The following SULT6B1 variants were observed in gnomAD, a reference collection of about 807,000 sequenced individuals.
The protein encoded by SULT6B1 is sulfotransferase 6B1.
Under a neutral mutation model 37.2 loss-of-function variants are expected in SULT6B1, and 44 were observed. That is an observed-to-expected ratio of 1.18 (90% CI 0.93 to 1.52). SULT6B1 has a LOEUF of 1.52. SULT6B1 is among the 40% of genes most tolerant of loss of function. The probability of loss-of-function intolerance (pLI) is 0.00; values close to 1 mark genes in which losing one functional copy is unlikely to be tolerated. For synonymous variants in SULT6B1, 140 were observed against 126.0 expected, an observed-to-expected ratio of 1.11 and a Z score of -0.74; for missense variants, 450 against 361.0, an observed-to-expected ratio of 1.25 and a Z score of -2.00.
At chr2:37,193,605 A>AGAAGAAGAAGAAGAG (rs1676828869), upstream of SULT6B1, among the ~76,000 whole-genome samples, 1 of 124,572 alleles carries the variant, frequency 8.0e-6, no homozygotes, top group Non-Finnish European at 1.7e-5. Context: ...AAAAAGAAGA[A>AGAAGAAGAAGAAGAG]GAAGAAGAAG....
upstream of SULT6B1, chr2:37,188,709 G>A: frequency 1.6e-6 from 1 of 611,064 alleles, no homozygotes; most frequent in East Asian, 2.9e-5. Context: ...ATGGAGTTGG[G>A]CAGGGGCTGG....
intron 4 of SULT6B1, among the ~76,000 whole-genome samples, chr2:37,178,161 C>T (rs1676470709): frequency 6.6e-6 from 1 of 152,182 alleles, no homozygotes; most frequent in Non-Finnish European, 1.5e-5. Context: ...TCTCCTGCAT[C>T]AGCCTCCCAA....
chr2:37,172,517 T>A (rs1379975284), intron 5 of SULT6B1, among the ~76,000 whole-genome samples: 1 of 152,182 alleles, frequency 6.6e-6, no homozygotes, highest in Non-Finnish European at 1.5e-5. Flanking sequence ...ATCTCACTTT[T>A]TTTTTTTGAG....
intron 1 of SULT6B1, chr2:37,194,678 C>T: frequency 4.2e-6 from 1 of 237,958 alleles, no homozygotes; most frequent in South Asian, 5.2e-5. Flanking sequence ...CTTGGGTCAT[C>T]ACCTCGTTGA....
intron 1 of SULT6B1, among the ~76,000 whole-genome samples, chr2:37,187,830 T>C (rs569924627): frequency 1.3e-5 from 2 of 152,210 alleles, no homozygotes; most frequent in African/African-American, 4.8e-5. Flanking sequence ...CAGGAATCTA[T>C]AATTTTGATT....
upstream of SULT6B1, among the ~76,000 whole-genome samples, chr2:37,191,663 G>T (rs990733355): frequency 1.3e-5 from 2 of 152,240 alleles, no homozygotes; most frequent in Non-Finnish European, 2.9e-5. Flanking sequence ...ACAGCTATCA[G>T]CAGAGATGGG....
chr2:37,187,614 G>A (rs76906169), intron 1 of SULT6B1, 147 bp from the exon 2 acceptor site: 10,574 of 473,068 alleles, frequency 0.022, 179 homozygotes, highest in Middle Eastern at 0.034. Flanking sequence ...AAATAACTTG[G>A]GCTATGGAAA....
chr2:37,188,488 G>C lies in SULT6B1; in HGVS notation c.153C>G (p.Phe51Leu). 1 of 1,614,156 alleles carries C rather than the reference G, an allele frequency of 6.2e-7. No homozygotes were observed. The highest frequency in any genetic ancestry group is 1.7e-5 in the Admixed American group (1 of 60,016). Residue 51 changes from phenylalanine (F) to leucine (L), a missense_variant, in exon 1 of 7, where the codon TTC (phenylalanine) becomes TTG (leucine). Coordinates refer to ENST00000535679, the MANE Select transcript of SULT6B1 (RefSeq NM_001367551.1). The part of the protein sequence containing the change: ...TSETFQALDT[F>L]EARHDDIVLA... Reference sequence around the variant, plus strand: ...GCACGATGTCATCATGTCTGGCTTCGAAGGTGTCCAGCGCTTGGAAAGTTT... The same window carrying C: ...GCACGATGTCATCATGTCTGGCTTCCAAGGTGTCCAGCGCTTGGAAAGTTT...
At chr2:37,191,752 T>C (rs1435700257), upstream of SULT6B1, among the ~76,000 whole-genome samples, 6 of 152,150 alleles carry the variant, frequency 3.9e-5, no homozygotes, top group Non-Finnish European at 8.8e-5. Flanking sequence ...ACTGTAATAC[T>C]GTATCCCCCA....
intron 3 of SULT6B1, among the ~76,000 whole-genome samples, chr2:37,180,194 G>A (rs1383922364): frequency 6.6e-6 from 1 of 152,212 alleles, no homozygotes; most frequent in African/African-American, 2.4e-5. Flanking sequence ...CTTCTGGCCT[G>A]AAGCCTTCTA....
At chr2:37,183,850 G>T (rs559634669) in intron 2 of SULT6B1, among the ~76,000 whole-genome samples, 1 of 152,154 alleles carries the variant, frequency 6.6e-6, no homozygotes, top group African/African-American at 2.4e-5. Flanking sequence ...CACCATGTTG[G>T]CCTGGCTGGT....
At chr2:37,181,800 A>G (rs1001144278) in intron 3 of SULT6B1, among the ~76,000 whole-genome samples, 21 of 152,198 alleles carry the variant, frequency 1.4e-4, no homozygotes, top group Non-Finnish European at 2.9e-4. Context: ...TAGAGACACT[A>G]AGGAAAAATG....
At chr2:37,192,539 T>C (rs1468873966), upstream of SULT6B1, among the ~76,000 whole-genome samples, 1 of 152,226 alleles carries the variant, frequency 6.6e-6, no homozygotes, top group Non-Finnish European at 1.5e-5. Context: ...CCTTATATAA[T>C]AATGTGATGA....
In SULT6B1 at chr2:37,170,039, G is replaced by C. The variant is rs567404554; in HGVS notation, c.781+1395C>G. On this transcript the variant is annotated intron_variant, in intron 6 of 6. Transcript: ENST00000535679. ...CTATCATCCATGTCAGAGAGAGCTA[G>C]TTGCCTTTCCCATAGTCATTTTCTT... Among the ~76,000 whole-genome samples the C allele has an allele frequency of 1.3e-4, 20 of 152,282 alleles. No individual in the cohort carries two copies. The South Asian group carries it at 3.5e-3, about 27-fold the overall frequency.
At chr2:37,183,212 T>C in intron 3 of SULT6B1, among the ~76,000 whole-genome samples, 1 of 152,212 alleles carries the variant, frequency 6.6e-6, no homozygotes, top group African/African-American at 2.4e-5. Context: ...CATTTTATTC[T>C]ATGCATATGT....
chr2:37,182,437 C>A (rs1676574575), intron 3 of SULT6B1, among the ~76,000 whole-genome samples: 1 of 151,836 alleles, frequency 6.6e-6, no homozygotes, highest in South Asian at 2.1e-4. Flanking sequence ...TAGGTTGGTG[C>A]AAAAATTGGG....
In SULT6B1 at chr2:37,168,057, C is replaced by G. The variant is rs773293082; in HGVS notation, c.790G>C (p.Gly264Arg). Residue 264 changes from glycine (G) to arginine (R), a missense_variant, in exon 7 of 7, where the codon GGT (glycine) becomes CGT (arginine). Coordinates refer to ENST00000535679, the MANE Select transcript of SULT6B1 (RefSeq NM_001367551.1). ...TCACTGAACAAATTTTTCCAATCAC[C>G]AACTTCACCTACAACACACAAAAAA... is the stretch of plus-strand genomic sequence containing the variant. ...GPFLFRKGEV[G>R]DWKNLFSEIQ... 3 of 1,590,396 alleles carry G rather than the reference C, an allele frequency of 1.9e-6. No individual in the cohort carries two copies. The highest frequency in any genetic ancestry group is 1.7e-6 in the Non-Finnish European group (2 of 1,173,802).
chr2:37,187,561 T>G (rs924358186), intron 1 of SULT6B1, 94 bp from the exon 2 acceptor site: 2 of 672,286 alleles, frequency 3.0e-6, no homozygotes, highest in African/African-American at 3.6e-5. Flanking sequence ...AATTAAAATC[T>G]ACAACCATTC....
At chr2:37,183,147 T>G (rs1676592939) in intron 3 of SULT6B1, among the ~76,000 whole-genome samples, 1 of 152,250 alleles carries the variant, frequency 6.6e-6, no homozygotes, top group Non-Finnish European at 1.5e-5. Flanking sequence ...TGAAACACTC[T>G]AAATATTCTA....
Sources: gnomAD v4.1 joint callset for allele counts (sites outside exome capture counted in the v4.1 genomes callset) on GRCh38, gnomAD v4.1.1 for gene constraint, MANE v1.5 for transcripts, NCBI Gene and HGNC (gene_info 2026-07-23, HGNC 2026-07-21) for gene names.